S100A7A: variants seen among roughly 807,000 people sequenced by gnomAD.
The protein encoded by S100A7A is protein S100-A7A.
Under a neutral mutation model 4.0 loss-of-function variants are expected in S100A7A, and 5 were observed. The observed-to-expected ratio is 1.26, with a 90% confidence interval of 0.66 to 2.66. The LOEUF (loss-of-function observed/expected upper bound fraction) is 2.66. S100A7A is among the 30% of genes most tolerant of loss of function. The probability of loss-of-function intolerance (pLI) is 0.01; values close to 1 mark genes in which losing one functional copy is unlikely to be tolerated. For synonymous variants in S100A7A, 52 were observed against 46.4 expected, an observed-to-expected ratio of 1.12 and a Z score of -0.49; for missense variants, 159 against 125.1, an observed-to-expected ratio of 1.27 and a Z score of -1.29.
intron 2 of S100A7A, among the ~76,000 whole-genome samples, chr1:153,418,547 C>G (rs895137605): frequency 2.0e-5 from 3 of 152,098 alleles, no homozygotes; most frequent in Non-Finnish European, 4.4e-5. Flanking sequence ...GTCCTGCTTC[C>G]CAAAGGCCCC....
At chr1:153,418,985 C>T (rs1662818049) in intron 2 of S100A7A, among the ~76,000 whole-genome samples, 160 bp from the exon 3 acceptor site, 1 of 152,144 alleles carries the variant, frequency 6.6e-6, no homozygotes, top group Non-Finnish European at 1.5e-5. Context: ...CACTCACGTC[C>T]TCACCCCAAC....
At position 153,422,045 on chromosome 1, in the gene S100A7A, A is replaced by G. The variant is rs964045697; in HGVS notation, c.*2736A>G. On this transcript the variant is annotated 3_prime_UTR_variant, in exon 3 of 3. Transcript: ENST00000368729. ...CCCATGTCATCCCAGAGAGGTGATC[A>G]CAGGGCAGGGACACATGTGTGGCAT... 3 of 152,272 alleles carry G rather than the reference A, an allele frequency of 2.0e-5. No homozygotes were observed. Among genetic ancestry groups the G allele is most frequent in the African/African-American group, 7.2e-5 (3 of 41,470 alleles). 9.4% of individuals were successfully genotyped at this position (152,272 alleles called of 1,614,324 possible).
chr1:153,418,362 GATC>G, intron 2 of S100A7A, 139 bp downstream of exon 2: 1 of 1,143,524 alleles, frequency 8.7e-7, no homozygotes, highest in Non-Finnish European at 1.2e-6. Context: ...TTATTGCTTG[GATC>G]ATATGTGAAT....
chr1:153,419,472 T>C lies in S100A7A; in HGVS notation c.*163T>C. On this transcript the variant is annotated 3_prime_UTR_variant, in exon 3 of 3. Transcript: ENST00000368729. The stretch of plus-strand genomic sequence containing the variant: ...ATTTCCCCCACCCCCATCCAGTGGG[T>C]CACCCAGGAGTAATGTCCCTCCAGC... 1.3e-6 allele frequency: 1 copy of C among 784,364 alleles called. No individual in the cohort carries two copies. The allele number at this position is 784,364 out of a possible 1,614,324, so 48.6% of individuals were successfully genotyped here.
intron 1 of S100A7A, among the ~76,000 whole-genome samples, chr1:153,417,655 G>T (rs541490884): frequency 6.6e-6 from 1 of 152,220 alleles, no homozygotes; most frequent in African/African-American, 2.4e-5. Flanking sequence ...CCATTGTCCT[G>T]CCCCCGTGAC....
At position 153,417,857 on chromosome 1, in the gene S100A7A, C is replaced by T. The variant is rs141315715; in HGVS notation, c.-17-209C>T. 1.2e-4 allele frequency: 66 copies of T among 552,768 alleles called. No homozygotes were observed. In the African/African-American group the frequency reaches 1.3e-3, roughly 10 times the overall value. The allele number at this position is 552,768 out of a possible 1,614,324, so 34.2% of individuals were successfully genotyped here. A position where few individuals can be genotyped will look rare whatever the true frequency, so the allele number is the denominator to read the frequency against. On this transcript the variant is annotated intron_variant, in intron 1 of 2. Coordinates refer to ENST00000368729, the MANE Select transcript of S100A7A (RefSeq NM_176823.4). ...CTTCTGCCATCCACCTGCATCTCTT[C>T]TTGGCCCTGGCCAGGATGGGCCGGG...
Position 153,422,476 on chromosome 1 carries a change from C to T in S100A7A, c.*3167C>T. 3 of 975,972 alleles carry T rather than the reference C, an allele frequency of 3.1e-6. No individual in the cohort carries two copies. The South Asian group carries it at 1.4e-4, about 46-fold the overall frequency. The allele number at this position is 975,972 out of a possible 1,614,324, so 60.5% of individuals were successfully genotyped here. On this transcript the variant is annotated 3_prime_UTR_variant, in exon 3 of 3. Coordinates refer to ENST00000368729, the MANE Select transcript of S100A7A (RefSeq NM_176823.4). ...ATAGCTACTGGACATTATATTGGTA[C>T]TAAAGAGAAAGAATACTTGACAGCT...
chr1:153,417,546 C>T (rs765149980), intron 1 of S100A7A, among the ~76,000 whole-genome samples: 11 of 152,220 alleles, frequency 7.2e-5, no homozygotes, highest in African/African-American at 1.4e-4. Context: ...GGAGCCTGCA[C>T]GCACTGTGTC....
In S100A7A at chr1:153,421,163, C is replaced by A. The variant is rs1027136257; in HGVS notation, c.*1854C>A. On this transcript the variant is annotated 3_prime_UTR_variant, in exon 3 of 3. Coordinates refer to ENST00000368729, the MANE Select transcript of S100A7A (RefSeq NM_176823.4). ...TCAATACCAATCTTTTAAACTACTG[C>A]CTCTACCAGAAATGTCTTTTAATAC... is the stretch of plus-strand genomic sequence containing the variant. 1 of 152,208 alleles carries A rather than the reference C, an allele frequency of 6.6e-6. No individual in the cohort carries two copies. The highest frequency in any genetic ancestry group is 1.5e-5 in the Non-Finnish European group (1 of 68,028). The allele number at this position is 152,208 out of a possible 1,614,324, so 9.4% of individuals were successfully genotyped here.
At chr1:153,419,108 T>C (rs1329739471) in intron 2 of S100A7A, 37 bp from the exon 3 acceptor site, 6 of 1,606,098 alleles carry the variant, frequency 3.7e-6, no homozygotes, top group African/African-American at 1.3e-5. Flanking sequence ...TTGTTTGTGA[T>C]TGAATTTTTC....
Position 153,420,653 on chromosome 1 carries a change from T to C in S100A7A, c.*1344T>C, listed in dbSNP as rs1225996964. 1.3e-5 allele frequency: 2 copies of C among 152,308 alleles called. No individual in the cohort carries two copies. The highest frequency in any genetic ancestry group is 1.3e-4 in the Admixed American group (2 of 15,288). 9.4% of individuals were successfully genotyped at this position (152,308 alleles called of 1,614,324 possible). ...CTTCCTGAACATATTCTGCACCTCG[T>C]CAGCCTTCAGGACTGATCTGCCATT... On this transcript the variant is annotated 3_prime_UTR_variant, in exon 3 of 3. Coordinates refer to ENST00000368729, the MANE Select transcript of S100A7A (RefSeq NM_176823.4).
In S100A7A at chr1:153,419,341, C is replaced by T. The variant is rs1177676934; in HGVS notation, c.*32C>T. Reference sequence around the variant, plus strand: ...CCCACCAAGGGGCCTCCAGAGACCCCAGGAACAATAAGTGTCTCCTCCCAC... The same window carrying T: ...CCCACCAAGGGGCCTCCAGAGACCCTAGGAACAATAAGTGTCTCCTCCCAC... On this transcript the variant is annotated 3_prime_UTR_variant, in exon 3 of 3. Transcript: ENST00000368729. 1 of 1,598,652 alleles carries T rather than the reference C, an allele frequency of 6.3e-7. No individual in the cohort carries two copies. The highest frequency in any genetic ancestry group is 8.5e-7 in the Non-Finnish European group (1 of 1,173,230).
chr1:153,418,077 G>A lies in S100A7A; in HGVS notation c.-6G>A, dbSNP rs777026343. On this transcript the variant is annotated 5_prime_UTR_variant, in exon 2 of 3. Coordinates refer to ENST00000368729, the MANE Select transcript of S100A7A (RefSeq NM_176823.4). ...TTTATTTCCTGAAGGCTTTTTGAAA[G>A]CAAAGATGAGCAACACTCAAGCTGA... The A allele has an allele frequency of 1.2e-6, 2 of 1,613,584 alleles. No individual in the cohort carries two copies. Among genetic ancestry groups the A allele is most frequent in the Non-Finnish European group, 1.7e-6 (2 of 1,179,688 alleles).
rs1184439520 is a variant in S100A7A at position 153,422,921 on chromosome 1, G to C, written c.*3612G>C. The C allele has an allele frequency of 1.3e-5, 2 of 152,324 alleles. No homozygotes were observed. The highest frequency in any genetic ancestry group is 4.8e-5 in the African/African-American group (2 of 41,550). The allele number at this position is 152,324 out of a possible 1,614,324, so 9.4% of individuals were successfully genotyped here. Reference sequence around the variant, plus strand: ...CTGCCACTATAAAAACACCATGAGAGCATACTCATACATGTTCCCTTATAA... The same window carrying C: ...CTGCCACTATAAAAACACCATGAGACCATACTCATACATGTTCCCTTATAA... On this transcript the variant is annotated 3_prime_UTR_variant, in exon 3 of 3. Coordinates refer to ENST00000368729, the MANE Select transcript of S100A7A (RefSeq NM_176823.4).
At chr1:153,418,409 G>A (rs942290064) in intron 2 of S100A7A, among the ~76,000 whole-genome samples, 186 bp downstream of exon 2, 1 of 152,206 alleles carries the variant, frequency 6.6e-6, no homozygotes, top group Non-Finnish European at 1.5e-5. Flanking sequence ...ATGAAAATGG[G>A]AAAGAGTTAT....
intron 2 of S100A7A, among the ~76,000 whole-genome samples, chr1:153,418,534 C>G (rs1467145719): frequency 2.6e-5 from 4 of 152,148 alleles, no homozygotes; most frequent in African/African-American, 9.7e-5. Context: ...CTCACATGCT[C>G]AGGTCCTGCT....
chr1:153,418,061 T>C lies in S100A7A; in HGVS notation c.-17-5T>C. Reference sequence around the variant, plus strand: ...GTAAGAAATGATTGTCTTTATTTCCTGAAGGCTTTTTGAAAGCAAAGATGA... The same window carrying C: ...GTAAGAAATGATTGTCTTTATTTCCCGAAGGCTTTTTGAAAGCAAAGATGA... On this transcript the variant is annotated splice_region_variant and splice_polypyrimidine_tract_variant and intron_variant, in intron 1 of 2. Transcript: ENST00000368729. The C allele has an allele frequency of 1.2e-6, 2 of 1,613,418 alleles. No homozygotes were observed. The highest frequency in any genetic ancestry group is 2.2e-5 in the East Asian group (1 of 44,870).
At chr1:153,418,286 C>T in intron 2 of S100A7A, 63 bp downstream of exon 2, 3 of 1,604,354 alleles carry the variant, frequency 1.9e-6, no homozygotes, top group Non-Finnish European at 2.6e-6. Flanking sequence ...ATACATTTTG[C>T]TATGTGGCCT....
rs1455987604 is a variant in S100A7A at position 153,422,198 on chromosome 1, G to A, written c.*2889G>A. On this transcript the variant is annotated 3_prime_UTR_variant, in exon 3 of 3. Transcript: ENST00000368729. ...AACAGAAGCAGATGGATATGAAGAGGAGAGGGGACCAGACCATCTCCGCAA... is the reference window on the plus strand; with the variant it reads ...AACAGAAGCAGATGGATATGAAGAGAAGAGGGGACCAGACCATCTCCGCAA... 6.6e-6 allele frequency: 1 copy of A among 152,274 alleles called. No individual in the cohort carries two copies. The highest frequency in any genetic ancestry group is 1.5e-5 in the Non-Finnish European group (1 of 68,060). 9.4% of individuals were successfully genotyped at this position (152,274 alleles called of 1,614,324 possible). A position where few individuals can be genotyped will look rare whatever the true frequency, so the allele number is the denominator to read the frequency against.
Sources: gnomAD v4.1 joint callset for allele counts (sites outside exome capture counted in the v4.1 genomes callset) on GRCh38, gnomAD v4.1.1 for gene constraint, MANE v1.5 for transcripts, NCBI Gene and HGNC (gene_info 2026-07-23, HGNC 2026-07-21) for gene names.